Variants in USP6NL observed in about 807,000 individuals in gnomAD.
The protein encoded by USP6NL is USP6 N-terminal like.
In USP6NL, 26 loss-of-function variants were observed where a neutral mutation model predicts 61.9. That is an observed-to-expected ratio of 0.42 (90% CI 0.31 to 0.58). The LOEUF (loss-of-function observed/expected upper bound fraction) is 0.58. Ranked by LOEUF, USP6NL falls within the 20% of genes least tolerant of loss-of-function variation. The pLI, the probability that USP6NL is intolerant of heterozygous loss-of-function variation, is 0.16. For synonymous variants in USP6NL, 432 were observed against 390.1 expected (o/e 1.11, Z -1.27); for missense variants, 1,114 against 1,034.3 (o/e 1.08, Z -1.06).
At position 11,547,542 on chromosome 10, in the gene USP6NL, C is replaced by CTT. The variant is rs11409797; in HGVS notation, c.5-19977_5-19976dup. On this transcript the variant is annotated intron_variant, in intron 2 of 14. Transcript: ENST00000609104. ...ATCAAGCTCATAAAGCATTTTAAAA[C>CTT]TTTTTTTTTTTTTTTTTGAGACAGT... Among the ~76,000 whole-genome samples the CTT allele has an allele frequency of 4.3e-3, 591 of 137,982 alleles. 7 individuals are homozygous for CTT. Among genetic ancestry groups the CTT allele is most frequent in the Middle Eastern group, 7.4e-3 (2 of 272 alleles). The allele number at this position is 137,982 out of a possible 152,430, so 90.5% of individuals were successfully genotyped here. A position where few individuals can be genotyped will look rare whatever the true frequency, so the allele number is the denominator to read the frequency against.
intron 2 of USP6NL, among the ~76,000 whole-genome samples, chr10:11,588,234 T>C (rs975597797): frequency 4.6e-5 from 7 of 152,226 alleles, no homozygotes; most frequent in African/African-American, 1.7e-4. Flanking sequence ...AGGCAATGTG[T>C]GAATAACACT....
chr10:11,498,526 C>T (rs1343314061), intron 7 of USP6NL, among the ~76,000 whole-genome samples: 1 of 152,000 alleles, frequency 6.6e-6, no homozygotes, highest in Non-Finnish European at 1.5e-5. Flanking sequence ...TCAGTTTCCT[C>T]ATGTGTAAGA....
intron 2 of USP6NL, among the ~76,000 whole-genome samples, chr10:11,533,769 ATG>A (rs1369664869): frequency 6.6e-6 from 1 of 152,356 alleles, no homozygotes; most frequent in African/African-American, 2.4e-5. Flanking sequence ...GTGGTAAGTC[ATG>A]TGCTGTTACA....
At chr10:11,500,956 C>T in intron 7 of USP6NL, 145 bp downstream of exon 7, 2 of 573,262 alleles carry the variant, frequency 3.5e-6, no homozygotes, top group Non-Finnish European at 5.5e-6. Flanking sequence ...ATCAAGAAAA[C>T]AAATAGACCT....
At chr10:11,546,260 A>C (rs917664843) in intron 2 of USP6NL, among the ~76,000 whole-genome samples, 1 of 152,244 alleles carries the variant, frequency 6.6e-6, no homozygotes, top group Admixed American at 6.5e-5. Context: ...GGTAAACTAT[A>C]AACTGTTTCT....
At chr10:11,580,279 T>G (rs1588408015) in intron 2 of USP6NL, among the ~76,000 whole-genome samples, 1 of 152,256 alleles carries the variant, frequency 6.6e-6, no homozygotes, top group African/African-American at 2.4e-5. Context: ...TTCTAAAAAT[T>G]TCCTAATTAG....
chr10:11,607,379 C>T (rs1564247321), intron 1 of USP6NL, among the ~76,000 whole-genome samples: 1 of 152,100 alleles, frequency 6.6e-6, no homozygotes, highest in Admixed American at 6.5e-5. Flanking sequence ...ATAAATACTG[C>T]ATTAATTCTA....
rs117280255 is a variant in USP6NL, at chr10:11,585,234, A to C, written c.4+12397T>G. 0.027 allele frequency among the ~76,000 whole-genome samples: 4,167 copies of C among 152,302 alleles called. 79 individuals carry two copies. The highest frequency in any genetic ancestry group is 0.046 in the Non-Finnish European group (3,101 of 68,014). ...TAAGGGCTAGGAGGATATGGAGAAA[A>C]TGGAATCCTTGAGCAATGTAAGCCG... On this transcript the variant is annotated intron_variant, in intron 2 of 14. Transcript: ENST00000609104. The surrounding 1 kb of genome is among the most constrained non-coding windows in gnomAD (Gnocchi z 4.5).
intron 2 of USP6NL, among the ~76,000 whole-genome samples, chr10:11,543,327 G>A (rs905606602): frequency 6.6e-6 from 1 of 152,176 alleles, no homozygotes; most frequent in Admixed American, 6.5e-5. Context: ...GGATCACAAG[G>A]TCAGGAGATC....
In USP6NL at chr10:11,518,767, A is replaced by G. The variant is rs949090625; in HGVS notation, c.156-193T>C. ...ACAGGGCCACCTATCTTCAAAATCC[A>G]GCCCTGCACTGTCACCAGTAGCCAC... On this transcript the variant is annotated intron_variant, in intron 4 of 14. Coordinates refer to ENST00000609104, the MANE Select transcript of USP6NL (RefSeq NM_014688.5). The surrounding 1 kb of genome is among the most constrained non-coding windows in gnomAD (Gnocchi z 5.3). 4.5e-4 allele frequency among the ~76,000 whole-genome samples: 68 copies of G among 152,232 alleles called. No individual in the cohort carries two copies. The highest frequency in any genetic ancestry group is 1.5e-3 in the African/African-American group (64 of 41,452).
chr10:11,462,668 G>A lies in USP6NL; in HGVS notation c.2260C>T (p.Arg754Ter). 1.2e-6 allele frequency: 2 copies of A among 1,613,924 alleles called. No homozygotes were observed. Among genetic ancestry groups the A allele is most frequent in the Admixed American group, 1.7e-5 (1 of 60,020 alleles). The change falls in exon 15 of 15, where the codon CGA becomes TGA. Residue 754 changes from arginine to a stop codon, truncating the protein, a stop_gained. Coordinates refer to ENST00000609104, the MANE Select transcript of USP6NL (RefSeq NM_014688.5). LOFTEE classifies it low-confidence loss of function (END_TRUNC). ...GGTAAATTGCCACGGCTAGCATCTC[G>A]GGTCCATGATTGTCCCTGCGTCTCA... ...RPETQGQSWTRDASRGNLPKY... is the reference protein window; with the variant it reads ...RPETQGQSWT
intron 2 of USP6NL, among the ~76,000 whole-genome samples, chr10:11,577,171 C>T (rs1199014467): frequency 6.6e-6 from 1 of 151,640 alleles, no homozygotes; most frequent in Non-Finnish European, 1.5e-5. Context: ...CATTCTCCTG[C>T]CTCAGCCTCC....
intron 2 of USP6NL, among the ~76,000 whole-genome samples, chr10:11,551,746 A>G (rs749258000): frequency 6.6e-6 from 1 of 152,176 alleles, no homozygotes; most frequent in Non-Finnish European, 1.5e-5. Flanking sequence ...CTGACATTCT[A>G]CAACTTCAGT....
Position 11,487,234 on chromosome 10 carries a change from T to C in USP6NL, c.665-1323A>G, listed in dbSNP as rs970098692. Among the ~76,000 whole-genome samples the C allele has an allele frequency of 1.3e-5, 2 of 152,218 alleles. No homozygotes were observed. Among genetic ancestry groups the C allele is most frequent in the African/African-American group, 4.8e-5 (2 of 41,456 alleles). ...CACTGATGTTCCAGATCTCATATTTTATATTTTCATCCTTAGCTTCAATTC... is the reference window on the plus strand; with the variant it reads ...CACTGATGTTCCAGATCTCATATTTCATATTTTCATCCTTAGCTTCAATTC... On this transcript the variant is annotated intron_variant, in intron 10 of 14. Transcript: ENST00000609104. This position sits in a 1 kb window ranked among gnomAD's most constrained non-coding sequence, Gnocchi z 4.2.
rs1832978749 is a variant in USP6NL, at chr10:11,476,661, A to G, written c.1078+5109T>C. Among the ~76,000 whole-genome samples, 1 of 152,174 alleles carries G rather than the reference A, an allele frequency of 6.6e-6. No homozygotes were observed. Among genetic ancestry groups the G allele is most frequent in the South Asian group, 2.1e-4 (1 of 4,828 alleles). ...ATAAAAGATGCCAAACCCACACACA[A>G]AAACCCCCACAAAACTCCTCTTCAC... is the stretch of plus-strand genomic sequence containing the variant. On this transcript the variant is annotated intron_variant, in intron 14 of 14. Coordinates refer to ENST00000609104, the MANE Select transcript of USP6NL (RefSeq NM_014688.5). The surrounding 1 kb of genome is among the most constrained non-coding windows in gnomAD (Gnocchi z 4.3).
At position 11,462,590 on chromosome 10, in the gene USP6NL, C is replaced by T. The variant is rs2096219141; in HGVS notation, c.2338G>A (p.Val780Ile). 1.9e-6 allele frequency: 3 copies of T among 1,614,040 alleles called. No homozygotes were observed. The highest frequency in any genetic ancestry group is 2.5e-6 in the Non-Finnish European group (3 of 1,179,908). The change falls in exon 15 of 15, where the codon GTT (valine) becomes ATT (isoleucine). Residue 780 changes from valine (V) to isoleucine (I), a missense_variant. Coordinates refer to ENST00000609104, the MANE Select transcript of USP6NL (RefSeq NM_014688.5). ...APFQDHGLPA[V>I]SVDSPVRYKA... ...TATCTCACGGGACTATCTACAGAAA[C>T]TGCAGGGAGGCCATGGTCCTGAAAG...
chr10:11,522,920 C>T (rs1434202565), intron 4 of USP6NL, among the ~76,000 whole-genome samples: 1 of 152,234 alleles, frequency 6.6e-6, no homozygotes, highest in Non-Finnish European at 1.5e-5. Context: ...CTAGAGCTGA[C>T]GCTCACTGTC....
Position 11,463,160 on chromosome 10 carries a change from C to A in USP6NL, c.1768G>T (p.Ala590Ser), listed in dbSNP as rs374849121. 4.3e-6 allele frequency: 7 copies of A among 1,613,862 alleles called. No homozygotes were observed. The highest frequency in any genetic ancestry group is 5.9e-6 in the Non-Finnish European group (7 of 1,179,882). ...ALYPPSPRKH[A>S]EPSSSPSKVS... is the part of the protein sequence containing the mutation. Reference sequence around the variant, plus strand: ...TTTGATGGACTAGAACTTGGCTCAGCGTGCTTTCTCGGGCTAGGAGGGTAA... The same window carrying A: ...TTTGATGGACTAGAACTTGGCTCAGAGTGCTTTCTCGGGCTAGGAGGGTAA... The change falls in exon 15 of 15, where the codon GCT (alanine) becomes TCT (serine). Residue 590 changes from alanine to serine, a missense_variant. Coordinates refer to ENST00000609104, the MANE Select transcript of USP6NL (RefSeq NM_014688.5). This position sits in a 1 kb window ranked among gnomAD's most constrained non-coding sequence, Gnocchi z 6.3.
Position 11,464,750 on chromosome 10 carries a change from G to A in USP6NL, c.1079-901C>T, listed in dbSNP as rs137999215. Reference sequence around the variant, plus strand: ...TGGAACAGCTGGCAGAACCCACGTTGTTCTTATACCTTTTGGTAAGAAATA... The same window carrying A: ...TGGAACAGCTGGCAGAACCCACGTTATTCTTATACCTTTTGGTAAGAAATA... On this transcript the variant is annotated intron_variant, in intron 14 of 14. Coordinates refer to ENST00000609104, the MANE Select transcript of USP6NL (RefSeq NM_014688.5). Among the ~76,000 whole-genome samples, 713 of 152,300 alleles carry A rather than the reference G, an allele frequency of 4.7e-3. 5 individuals carry two copies. The highest frequency in any genetic ancestry group is 0.015 in the African/African-American group (644 of 41,556).
Sources: gnomAD v4.1 joint callset for allele counts (sites outside exome capture counted in the v4.1 genomes callset) on GRCh38, gnomAD v4.1.1 for gene constraint, Gnocchi (gnomAD v3.1) non-coding constraint, MANE v1.5 for transcripts, NCBI Gene and HGNC (gene_info 2026-07-23, HGNC 2026-07-21) for gene names.